The following LRP1B variants were observed in gnomAD, a reference collection of about 807,000 sequenced individuals.
LRP1B encodes low-density lipoprotein receptor-related protein 1B.
LRP1B carries 217 observed loss-of-function variants against 556.6 expected under a neutral mutation model. That is an observed-to-expected ratio of 0.39 (90% CI 0.35 to 0.44). LRP1B has a LOEUF of 0.44. Ranked by LOEUF, LRP1B falls within the 20% of genes least tolerant of loss-of-function variation. The pLI is 1.00. For synonymous variants in LRP1B, 2,047 were observed against 1,865.8 expected (o/e 1.10, Z -2.50); for missense variants, 5,053 against 5,620.8 (o/e 0.90, Z 3.23).
At chr2:141,769,200 C>T (rs1386441707) in intron 2 of LRP1B, among the ~76,000 whole-genome samples, 3 of 152,102 alleles carry the variant, frequency 2.0e-5, no homozygotes, top group Admixed American at 6.6e-5. Flanking sequence ...TTACACCTAA[C>T]ATAAAATATA....
At chr2:141,575,102 A>T (rs1475582941) in intron 2 of LRP1B, among the ~76,000 whole-genome samples, 1 of 152,194 alleles carries the variant, frequency 6.6e-6, no homozygotes, top group Non-Finnish European at 1.5e-5. Flanking sequence ...TTTGGAAAAA[A>T]AAAACTATTT....
At position 140,840,955 on chromosome 2, in the gene LRP1B, C is replaced by T. The variant is rs1553542889; in HGVS notation, c.5077G>A (p.Asp1693Asn). ...SLKTSIIHGI[D>N]KPQCLAAHPV... Reference sequence around the variant, plus strand: ...TGAGCTGCAAGACACTGTGGCTTATCGATTCCATGGATAATTGAGGTTTTC... The same window carrying T: ...TGAGCTGCAAGACACTGTGGCTTATTGATTCCATGGATAATTGAGGTTTTC... Residue 1693 changes from aspartate (D) to asparagine (N), a missense_variant, in exon 30 of 91, where the codon GAT becomes AAT. Physicochemically the swap from Asp to Asn is conservative, Grantham distance 23 (BLOSUM62 1). Transcript: ENST00000389484. 8.7e-6 allele frequency: 14 copies of T among 1,613,192 alleles called. No homozygotes were observed. The highest frequency in any genetic ancestry group is 3.3e-5 in the South Asian group (3 of 90,978).
At chr2:140,878,607 G>A (rs1465299650) in intron 25 of LRP1B, among the ~76,000 whole-genome samples, 1 of 152,008 alleles carries the variant, frequency 6.6e-6, no homozygotes, top group Non-Finnish European at 1.5e-5. Flanking sequence ...TTTAAACTTA[G>A]CATTAAAAAC....
chr2:141,283,618 C>CTTTTT (rs751136016), intron 3 of LRP1B, among the ~76,000 whole-genome samples: 2 of 123,930 alleles, frequency 1.6e-5, no homozygotes, highest in East Asian at 2.4e-4. Flanking sequence ...AAGAGACCCA[C>CTTTTT]TTTTTTTTTT....
At chr2:142,080,533 T>A (rs77619268) in intron 1 of LRP1B, among the ~76,000 whole-genome samples, 15,197 of 151,884 alleles carry the variant, frequency 0.1, 1,050 homozygotes, top group African/African-American at 0.2. Context: ...GTAAAAAAAA[T>A]AAATAAATAA....
At chr2:140,298,759 G>A (rs1265750455) in intron 83 of LRP1B, among the ~76,000 whole-genome samples, 1 of 152,130 alleles carries the variant, frequency 6.6e-6, no homozygotes, top group Non-Finnish European at 1.5e-5. Context: ...ACATAACACA[G>A]TTAACTCTTG....
rs1487448553 is a variant in LRP1B, at chr2:140,324,076, TA to T, written c.12341-11del. The T allele has an allele frequency of 2.5e-6, 4 of 1,582,094 alleles. No homozygotes were observed. The Admixed American group carries it at 5.1e-5, about 20-fold the overall frequency. On this transcript the variant is annotated splice_polypyrimidine_tract_variant and intron_variant, in intron 80 of 90. Coordinates refer to ENST00000389484, the MANE Select transcript of LRP1B (RefSeq NM_018557.3). ...TGTGGATGTAATAAACCTGGAATTT[TA>T]AAAAGGCAGTTATGAAAGTTTTAAT...
rs915470976 is a variant in LRP1B at position 141,146,670 on chromosome 2, G to A, written c.1013+41751C>T. 6.6e-5 allele frequency among the ~76,000 whole-genome samples: 10 copies of A among 152,092 alleles called. No homozygotes were observed. In the South Asian group the frequency reaches 1.5e-3, roughly 22 times the overall value. On this transcript the variant is annotated intron_variant, in intron 7 of 90. Coordinates refer to ENST00000389484, the MANE Select transcript of LRP1B (RefSeq NM_018557.3). ...ATATGGTTGTCTATACATATGACAC[G>A]TACATGTGCTTGATTTCAGGCCATT...
chr2:140,838,057 G>A (rs920339749), intron 31 of LRP1B, among the ~76,000 whole-genome samples: 8 of 151,574 alleles, frequency 5.3e-5, no homozygotes, highest in Non-Finnish European at 8.8e-5. Flanking sequence ...AAGCTGTTAG[G>A]CCTTTTATTA....
Position 140,701,775 on chromosome 2 carries a change from C to G in LRP1B, c.6373G>C (p.Gly2125Arg), listed in dbSNP as rs147767913. 8 of 1,613,078 alleles carry G rather than the reference C, an allele frequency of 5.0e-6. No individual in the cohort carries two copies. The highest frequency in any genetic ancestry group is 6.8e-6 in the Non-Finnish European group (8 of 1,179,386). ...ACCTCCTTCAGGTTGACTCCAAGGCCGGTTCTCATGGTTATCGTTTCTGTG... is the reference window on the plus strand; with the variant it reads ...ACCTCCTTCAGGTTGACTCCAAGGCGGGTTCTCATGGTTATCGTTTCTGTG... ...DATETITMRT[G>R]LGVNLKEVKI... Residue 2125 changes from glycine to arginine, a missense_variant, in exon 40 of 91, where the codon GGC becomes CGC. Gly to Arg is a moderately radical substitution (Grantham distance 125). Coordinates refer to ENST00000389484, the MANE Select transcript of LRP1B (RefSeq NM_018557.3).
chr2:141,612,293 T>C (rs1204095696), intron 2 of LRP1B, among the ~76,000 whole-genome samples: 1 of 152,212 alleles, frequency 6.6e-6, no homozygotes, highest in East Asian at 1.9e-4. Flanking sequence ...GTCCTGAGAC[T>C]TGAAGTGTCT....
At chr2:141,177,875 CA>C (rs1236112811) in intron 7 of LRP1B, among the ~76,000 whole-genome samples, 2 of 152,038 alleles carry the variant, frequency 1.3e-5, no homozygotes, top group South Asian at 4.1e-4. Flanking sequence ...AGCCTTCAGA[CA>C]AAGGTATTTG....
At chr2:140,973,245 G>T (rs189695956) in intron 18 of LRP1B, among the ~76,000 whole-genome samples, 95 of 151,772 alleles carry the variant, frequency 6.3e-4, no homozygotes, top group Admixed American at 2.0e-3. Context: ...TTTCCCAGAA[G>T]AATGTTTTTA....
chr2:142,124,421 G>T (rs1471834057), intron 1 of LRP1B, among the ~76,000 whole-genome samples: 1 of 148,794 alleles, frequency 6.7e-6, no homozygotes, highest in Non-Finnish European at 1.5e-5. Flanking sequence ...AATTATTATA[G>T]TCATATTTAA....
At chr2:142,127,539 C>T (rs994313425) in intron 1 of LRP1B, among the ~76,000 whole-genome samples, 4 of 151,876 alleles carry the variant, frequency 2.6e-5, no homozygotes, top group Non-Finnish European at 5.9e-5. Flanking sequence ...TCCATTTTCT[C>T]TTTTCTCTCT....
intron 20 of LRP1B, among the ~76,000 whole-genome samples, chr2:140,946,594 C>T (rs1695555279): frequency 6.6e-6 from 1 of 152,066 alleles, no homozygotes; most frequent in Non-Finnish European, 1.5e-5. Context: ...GAGTGATACT[C>T]AGTCTCAAAC....
At chr2:140,879,560 A>G (rs1486203613) in intron 25 of LRP1B, among the ~76,000 whole-genome samples, 1 of 152,114 alleles carries the variant, frequency 6.6e-6, no homozygotes, top group Non-Finnish European at 1.5e-5. Flanking sequence ...AACAATCTTA[A>G]GAGCTGATTT....
At chr2:140,413,914 T>C (rs1329460688) in intron 66 of LRP1B, among the ~76,000 whole-genome samples, 4 of 152,156 alleles carry the variant, frequency 2.6e-5, no homozygotes, top group African/African-American at 4.8e-5. Context: ...AGAAATACTT[T>C]CTAATTTATT....
chr2:142,019,224 T>C (rs1208606404), intron 1 of LRP1B, among the ~76,000 whole-genome samples: 1 of 152,164 alleles, frequency 6.6e-6, no homozygotes, highest in Admixed American at 6.5e-5. Flanking sequence ...ATTAACCATA[T>C]TGTGTGGACT....
Sources: gnomAD v4.1 joint callset for allele counts (sites outside exome capture counted in the v4.1 genomes callset) on GRCh38, gnomAD v4.1.1 for gene constraint, MANE v1.5 for transcripts, NCBI Gene and HGNC (gene_info 2026-07-23, HGNC 2026-07-21) for gene names.